Variants in ENPP2 observed in about 807,000 individuals in gnomAD.
The protein encoded by ENPP2 is ectonucleotide pyrophosphatase/phosphodiesterase 2.
In ENPP2, 51 loss-of-function variants were observed where a neutral mutation model predicts 120.2. That is an observed-to-expected ratio of 0.42 (90% CI 0.34 to 0.54). ENPP2 has a LOEUF of 0.54. Among genes scored for constraint, ENPP2 ranks in the 20% least tolerant of loss-of-function variants. The pLI is 0.04. For synonymous variants in ENPP2, 365 were observed against 366.4 expected (o/e 1.00, Z 0.04); for missense variants, 920 against 1,066.5 (o/e 0.86, Z 1.91).
intron 1 of ENPP2, among the ~76,000 whole-genome samples, chr8:119,656,781 TCAC>T (rs1415215820): frequency 1.3e-5 from 2 of 152,192 alleles, no homozygotes; most frequent in East Asian, 1.9e-4. Context: ...ATTTGTGCAG[TCAC>T]CACATCAGTG....
At chr8:119,662,071 A>G (rs1817936211) in intron 1 of ENPP2, among the ~76,000 whole-genome samples, 2 of 152,152 alleles carry the variant, frequency 1.3e-5, no homozygotes, top group South Asian at 2.1e-4. Context: ...GTTAGAAAAG[A>G]TATCTTATTC....
chr8:119,618,870 G>A (rs930344812), intron 5 of ENPP2, among the ~76,000 whole-genome samples: 2 of 151,762 alleles, frequency 1.3e-5, no homozygotes, highest in Non-Finnish European at 2.9e-5. Flanking sequence ...AGGTTCTCAG[G>A]ACTTCCTCTT....
At chr8:119,650,313 A>G (rs1189011826) in intron 1 of ENPP2, among the ~76,000 whole-genome samples, 1 of 152,224 alleles carries the variant, frequency 6.6e-6, no homozygotes, top group African/African-American at 2.4e-5. Flanking sequence ...AAGGTCAATT[A>G]GCAGTTGTCA....
chr8:119,623,788 G>A (rs1164053172), intron 3 of ENPP2, among the ~76,000 whole-genome samples: 1 of 151,884 alleles, frequency 6.6e-6, no homozygotes, highest in East Asian at 1.9e-4. Flanking sequence ...CCCATGCCTG[G>A]GTAATTTTTG....
intron 8 of ENPP2, among the ~76,000 whole-genome samples, chr8:119,613,028 A>G (rs1378584053): frequency 1.3e-5 from 2 of 152,292 alleles, no homozygotes; most frequent in Non-Finnish European, 2.9e-5. Context: ...CATTTAGTCA[A>G]CTCCTAGGAA....
intron 19 of ENPP2, among the ~76,000 whole-genome samples, chr8:119,576,114 C>T (rs1041196596): frequency 1.3e-5 from 2 of 152,120 alleles, no homozygotes; most frequent in Non-Finnish European, 2.9e-5. Flanking sequence ...TTAAAGTTAA[C>T]AAGAATTACT....
rs1554626543 is a variant in ENPP2, at chr8:119,653,642, T to TAGTTTATGCAGGACAC, written c.22-15116_22-15115insGTGTCCTGCATAAACT. On this transcript the variant is annotated intron_variant, in intron 1 of 25. Coordinates refer to the ENPP2 transcript ENST00000427067. ...CAATGTCAAAGAAGTAATTGGGAGC[T>TAGTTTATGCAGGACAC]AGTTTATGCAGGACCCTACAGGCCA... Among the ~76,000 whole-genome samples, 42 of 151,928 alleles carry TAGTTTATGCAGGACAC rather than the reference T, an allele frequency of 2.8e-4. 1 individual carries two copies. The East Asian group carries it at 6.2e-3, about 22-fold the overall frequency.
rs758079918 is a variant in ENPP2 at position 119,570,687 on chromosome 8, T to G, written c.1917+18A>C. 14 of 1,429,522 alleles carry G rather than the reference T, an allele frequency of 9.8e-6. No homozygotes were observed. The highest frequency in any genetic ancestry group is 1.3e-5 in the Non-Finnish European group (14 of 1,061,636). 88.6% of individuals were successfully genotyped at this position (1,429,522 alleles called of 1,614,324 possible). ...ATGTAATAAAATAAAAAATATAAAA[T>G]CCAATTTTCTCAATGACCTGTTTGG... On this transcript the variant is annotated intron_variant, in intron 20 of 24. Coordinates refer to ENST00000075322, the MANE Select transcript of ENPP2 (RefSeq NM_001040092.3).
chr8:119,638,850 T>C, upstream of ENPP2: 1 of 1,610,180 alleles, frequency 6.2e-7, no homozygotes, highest in East Asian at 2.2e-5. Context: ...GCTTTGAGGC[T>C]CTGGGTTTAG....
chr8:119,657,367 T>C (rs1817796857), intron 1 of ENPP2, among the ~76,000 whole-genome samples: 1 of 152,212 alleles, frequency 6.6e-6, no homozygotes, highest in African/African-American at 2.4e-5. Context: ...ATACCATGCC[T>C]CCTCTATTGA....
At chr8:119,636,794 T>C (rs1442553167) in intron 2 of ENPP2, among the ~76,000 whole-genome samples, 1 of 152,036 alleles carries the variant, frequency 6.6e-6, no homozygotes, top group Non-Finnish European at 1.5e-5. Flanking sequence ...TTTTTTTTTT[T>C]AATCCAGAAA....
chr8:119,665,664 G>A (rs921610453), intron 1 of ENPP2, among the ~76,000 whole-genome samples: 3 of 152,012 alleles, frequency 2.0e-5, no homozygotes, highest in African/African-American at 7.3e-5. Context: ...ATTGGACAAG[G>A]CACCTTCATT....
chr8:119,621,951 C>G (rs1815930663), intron 3 of ENPP2, among the ~76,000 whole-genome samples: 1 of 152,050 alleles, frequency 6.6e-6, no homozygotes, highest in Non-Finnish European at 1.5e-5. Flanking sequence ...TTATTTTTGA[C>G]AGAGTCTTGC....
chr8:119,627,643 T>C (rs1229859032), intron 2 of ENPP2, among the ~76,000 whole-genome samples: 1 of 151,782 alleles, frequency 6.6e-6, no homozygotes, highest in Non-Finnish European at 1.5e-5. Flanking sequence ...CGGTGGATCA[T>C]CTGAGGTCAG....
At chr8:119,661,177 G>T (rs1211160304) in intron 1 of ENPP2, among the ~76,000 whole-genome samples, 1 of 151,970 alleles carries the variant, frequency 6.6e-6, no homozygotes, top group Non-Finnish European at 1.5e-5. Flanking sequence ...GGGCTGAGGG[G>T]TAAGGGGAGG....
At chr8:119,663,441 C>G (rs1162605522) in intron 1 of ENPP2, among the ~76,000 whole-genome samples, 2 of 152,136 alleles carry the variant, frequency 1.3e-5, no homozygotes, top group East Asian at 3.8e-4. Context: ...AAAAAGTATA[C>G]ATTGTTTATC....
rs148137101 is a variant in ENPP2, at chr8:119,634,141, C to A, written c.136+4284G>T. ...GAGGTTGCAGTTAGCTGAGATCACG[C>A]CACTGCACTCCAGTCTGGGTGACAG... On this transcript the variant is annotated intron_variant, in intron 2 of 24. Transcript: ENST00000075322. 2.7e-3 allele frequency among the ~76,000 whole-genome samples: 404 copies of A among 152,124 alleles called. 1 individual carries two copies. Among genetic ancestry groups the A allele is most frequent in the African/African-American group, 9.0e-3 (372 of 41,492 alleles).
At chr8:119,646,108 A>T (rs968316065) in intron 1 of ENPP2, among the ~76,000 whole-genome samples, 1 of 151,812 alleles carries the variant, frequency 6.6e-6, no homozygotes, top group African/African-American at 2.4e-5. Context: ...AGCTGGGATT[A>T]CAGGCATGTG....
intron 18 of ENPP2, chr8:119,580,435 C>G (rs1563689647): frequency 2.1e-6 from 1 of 479,216 alleles, no homozygotes; most frequent in South Asian, 2.7e-5. Flanking sequence ...TACCAATTTC[C>G]CATGTGGGTA....
Sources: gnomAD v4.1 joint callset for allele counts (sites outside exome capture counted in the v4.1 genomes callset) on GRCh38, gnomAD v4.1.1 for gene constraint, MANE v1.5 for transcripts, NCBI Gene and HGNC (gene_info 2026-07-23, HGNC 2026-07-21) for gene names.